Variants in SATB2 observed in about 807,000 individuals in gnomAD.
The protein encoded by SATB2 is DNA-binding protein SATB2.
Under a neutral mutation model 73.4 loss-of-function variants are expected in SATB2, and 1 was observed. The observed-to-expected ratio is 0.01, with a 90% CI of 0.00 to 0.06. The LOEUF (loss-of-function observed/expected upper bound fraction) is 0.06. Ranked by LOEUF, SATB2 falls within the 10% of genes least tolerant of loss-of-function variation. SATB2 has a pLI of 1.00. For missense variants in SATB2, 459 were observed against 945.8 expected (o/e 0.49, Z 6.75); for synonymous variants, 397 against 367.0 (o/e 1.08, Z -0.93).
chr2:199,311,556 C>A (rs73067510), intron 9 of SATB2, among the ~76,000 whole-genome samples: 2,727 of 152,206 alleles, frequency 0.018, 85 homozygotes, highest in African/African-American at 0.061. Flanking sequence ...GGAAGGTGAT[C>A]CTAACTCTAC....
At chr2:199,395,401 C>T (rs1276601716) in intron 3 of SATB2, among the ~76,000 whole-genome samples, 2 of 152,244 alleles carry the variant, frequency 1.3e-5, no homozygotes, top group East Asian at 3.9e-4. Flanking sequence ...ATAACAGTTT[C>T]CAGTATGAGT....
chr2:199,357,864 T>C (rs906886927), intron 6 of SATB2, among the ~76,000 whole-genome samples: 2 of 152,102 alleles, frequency 1.3e-5, no homozygotes, highest in African/African-American at 4.8e-5. Flanking sequence ...ACCCTATAAA[T>C]TCTATAAATA....
intron 2 of SATB2, among the ~76,000 whole-genome samples, chr2:199,447,501 A>G (rs1450071593): frequency 3.3e-5 from 5 of 152,152 alleles, no homozygotes; most frequent in Admixed American, 1.3e-4. Context: ...TAGGAACCCC[A>G]TCTAACCCTT....
intron 5 of SATB2, among the ~76,000 whole-genome samples, chr2:199,378,411 T>C (rs1394780837): frequency 1.3e-5 from 2 of 152,238 alleles, no homozygotes; most frequent in Non-Finnish European, 2.9e-5. Flanking sequence ...TAACTTGTTC[T>C]TTGTCCAGTT....
chr2:199,281,655 C>G (rs925367956), intron 10 of SATB2, among the ~76,000 whole-genome samples: 3 of 152,040 alleles, frequency 2.0e-5, no homozygotes, highest in Non-Finnish European at 4.4e-5. Flanking sequence ...TAGCTCTACC[C>G]TCTAATATTC....
At chr2:199,424,519 A>G (rs937561864) in intron 3 of SATB2, among the ~76,000 whole-genome samples, 1 of 152,244 alleles carries the variant, frequency 6.6e-6, no homozygotes, top group Non-Finnish European at 1.5e-5. Context: ...ATGAATAGTT[A>G]TGGAACTGGG....
chr2:199,300,862 G>T (rs2105757295), intron 10 of SATB2, among the ~76,000 whole-genome samples: 1 of 152,208 alleles, frequency 6.6e-6, no homozygotes, highest in Admixed American at 6.6e-5. Context: ...GTGGAACCCA[G>T]CTGTTTGACA....
chr2:199,294,690 T>C (rs1328946540), intron 10 of SATB2, among the ~76,000 whole-genome samples: 1 of 152,156 alleles, frequency 6.6e-6, no homozygotes, highest in Non-Finnish European at 1.5e-5. Context: ...ACTATTGACC[T>C]GCATTGTCAA....
chr2:199,302,890 A>C (rs769404910), intron 10 of SATB2, among the ~76,000 whole-genome samples: 5 of 152,210 alleles, frequency 3.3e-5, no homozygotes, highest in Non-Finnish European at 7.3e-5. Flanking sequence ...AAGCCACCTC[A>C]AAAATGCCAA....
intron 3 of SATB2, among the ~76,000 whole-genome samples, chr2:199,418,123 A>ATT (rs1691049815): frequency 1.3e-5 from 2 of 152,226 alleles, no homozygotes; most frequent in Admixed American, 6.5e-5. Context: ...GGCAATGTAA[A>ATT]GCACTTTATT....
intron 10 of SATB2, among the ~76,000 whole-genome samples, chr2:199,273,317 C>T (rs1310614890): frequency 6.6e-6 from 1 of 152,122 alleles, no homozygotes; most frequent in Non-Finnish European, 1.5e-5. Context: ...CAATTCTATT[C>T]TATTGCAAAA....
At chr2:199,305,378 C>G (rs866205913) in intron 10 of SATB2, among the ~76,000 whole-genome samples, 1 of 151,660 alleles carries the variant, frequency 6.6e-6, no homozygotes, top group Non-Finnish European at 1.5e-5. Flanking sequence ...GGGGAGGGTC[C>G]GAAAAAATAA....
chr2:199,449,802 T>C (rs1248188392), intron 2 of SATB2, among the ~76,000 whole-genome samples: 1 of 152,144 alleles, frequency 6.6e-6, no homozygotes, highest in East Asian at 1.9e-4. Flanking sequence ...TTCACAGCTC[T>C]CCTTACTGGC....
At chr2:199,405,789 A>T (rs1185113307) in intron 3 of SATB2, among the ~76,000 whole-genome samples, 1 of 151,196 alleles carries the variant, frequency 6.6e-6, no homozygotes, top group Non-Finnish European at 1.5e-5. Context: ...TTTTAAAAGA[A>T]AAAAAAAAGA....
At chr2:199,403,690 C>T (rs531564678) in intron 3 of SATB2, among the ~76,000 whole-genome samples, 12 of 152,250 alleles carry the variant, frequency 7.9e-5, no homozygotes, top group Admixed American at 3.9e-4. Context: ...TGACTATTTT[C>T]GGATGAGAAA....
At chr2:199,389,005 G>T (rs1457543074) in intron 3 of SATB2, among the ~76,000 whole-genome samples, 1 of 152,018 alleles carries the variant, frequency 6.6e-6, no homozygotes, top group African/African-American at 2.4e-5. Context: ...TAAGAACATA[G>T]AATTATTTAT....
intron 5 of SATB2, among the ~76,000 whole-genome samples, chr2:199,369,821 T>G (rs1235617212): frequency 6.6e-6 from 1 of 152,164 alleles, no homozygotes; most frequent in Admixed American, 6.6e-5. Flanking sequence ...AACTCCCATT[T>G]AAAACAACAG....
chr2:199,354,927 T>C (rs1453401330), intron 6 of SATB2, among the ~76,000 whole-genome samples: 1 of 152,134 alleles, frequency 6.6e-6, no homozygotes, highest in East Asian at 1.9e-4. Flanking sequence ...GACCATTAGC[T>C]ATTCAGATGC....
Position 199,331,574 on chromosome 2 carries a change from A to G in SATB2, c.1174-2664T>C, listed in dbSNP as rs534416996. On this transcript the variant is annotated intron_variant, in intron 7 of 10. Coordinates refer to ENST00000417098, the MANE Select transcript of SATB2 (RefSeq NM_001172509.2). The stretch of plus-strand genomic sequence containing the variant: ...CCAAAGCAGATTCTTTTCACCTCAG[A>G]CATTTTCAATAACAAGTGGCTCACT... Among the ~76,000 whole-genome samples the G allele has an allele frequency of 7.9e-5, 12 of 152,296 alleles. No individual in the cohort carries two copies. The East Asian group carries it at 2.3e-3, about 29-fold the overall frequency.
Sources: allele counts gnomAD v4.1 joint callset (sites outside exome capture counted in the v4.1 genomes callset), GRCh38; gene constraint gnomAD v4.1.1; transcripts MANE v1.5; gene names NCBI Gene and HGNC (gene_info 2026-07-23, HGNC 2026-07-21).